The following ATP9B variants were observed in gnomAD, a reference collection of about 807,000 sequenced individuals.
The protein encoded by ATP9B is ATPase phospholipid transporting 9B, also known as probable phospholipid-transporting ATPase IIB.
In ATP9B, 110 loss-of-function variants were observed where a neutral mutation model predicts 146.1. The observed-to-expected ratio is 0.75, with a 90% CI of 0.65 to 0.88. ATP9B has a LOEUF of 0.88. ATP9B is among the 40% of genes least tolerant of loss of function. The probability of loss-of-function intolerance (pLI) is 0.00; values close to 1 mark genes in which losing one functional copy is unlikely to be tolerated. For synonymous variants in ATP9B, 604 were observed against 569.7 expected, an observed-to-expected ratio of 1.06 and a Z score of -0.86; for missense variants, 1,499 against 1,496.4, an observed-to-expected ratio of 1.00 and a Z score of -0.03.
chr18:79,103,214 G>A (rs2075406408), intron 2 of ATP9B, among the ~76,000 whole-genome samples: 1 of 151,698 alleles, frequency 6.6e-6, no homozygotes, highest in African/African-American at 2.4e-5. Flanking sequence ...AAGCAGATAT[G>A]GACTGTGGGT....
chr18:79,109,932 A>G (rs1006551705), intron 2 of ATP9B, among the ~76,000 whole-genome samples: 5 of 152,178 alleles, frequency 3.3e-5, no homozygotes, highest in Admixed American at 3.3e-4. Flanking sequence ...AGAGTGGAAA[A>G]AGTGATTATT....
At chr18:79,129,595 C>A (rs1568237521) in intron 5 of ATP9B, among the ~76,000 whole-genome samples, 4 of 152,020 alleles carry the variant, frequency 2.6e-5, no homozygotes, top group Admixed American at 1.3e-4. Flanking sequence ...TAGAGACCAT[C>A]CATGATAAAG....
chr18:79,255,918 TATTAGAGCTTCATG>T (rs2096072753), intron 12 of ATP9B, among the ~76,000 whole-genome samples: 1 of 152,202 alleles, frequency 6.6e-6, no homozygotes, highest in South Asian at 2.1e-4. Context: ...CATTCATTTT[TATTAGAGCTTCATG>T]ACACAGAACG....
chr18:79,327,142 C>T (rs1323149316), intron 15 of ATP9B, among the ~76,000 whole-genome samples: 1 of 152,258 alleles, frequency 6.6e-6, no homozygotes, highest in East Asian at 1.9e-4. Context: ...ATATCCTGTG[C>T]ACTAGACAAC....
chr18:79,256,129 C>G (rs2096074605), intron 12 of ATP9B, among the ~76,000 whole-genome samples: 1 of 151,132 alleles, frequency 6.6e-6, no homozygotes, highest in Non-Finnish European at 1.5e-5. Context: ...TTTTTAATAT[C>G]ATGTATGTGC....
At chr18:79,139,881 T>TCCAAAA (rs2094493292) in intron 5 of ATP9B, among the ~76,000 whole-genome samples, 1 of 152,188 alleles carries the variant, frequency 6.6e-6, no homozygotes, top group African/African-American at 2.4e-5. Context: ...ATGAGTTTAA[T>TCCAAAA]TTACTATGGG....
chr18:79,294,141 A>T (rs2096530616), intron 13 of ATP9B, among the ~76,000 whole-genome samples: 1 of 152,238 alleles, frequency 6.6e-6, no homozygotes, highest in South Asian at 2.1e-4. Context: ...GAGTCTGTGA[A>T]TGGAGTGATT....
chr18:79,372,606 C>T (rs1195419278), intron 26 of ATP9B: 2 of 663,044 alleles, frequency 3.0e-6, no homozygotes, highest in Admixed American at 2.1e-5. Flanking sequence ...AACGTCTAAC[C>T]TCAGGCACCA....
In ATP9B at chr18:79,329,155, G is replaced by A; in HGVS notation, c.1788G>A (p.Gln596=). Residue 596 remains glutamine, a synonymous_variant, in exon 16 of 30, where the codon CAG becomes CAA. Transcript: ENST00000426216. ...GTCTCCCGTAGGTCGCTCTGGTGCA[G>A]TGGACAGAGAGTGTGGGCCTCACGC... is the stretch of plus-strand genomic sequence containing the variant. ...ASSPDEVALV[Q]WTESVGLTLV... 4 of 1,601,382 alleles carry A rather than the reference G, an allele frequency of 2.5e-6. No individual in the cohort carries two copies. Among genetic ancestry groups the A allele is most frequent in the Non-Finnish European group, 3.4e-6 (4 of 1,174,900 alleles).
At chr18:79,288,335 C>T (rs1238469721) in intron 13 of ATP9B, among the ~76,000 whole-genome samples, 2 of 152,056 alleles carry the variant, frequency 1.3e-5, no homozygotes, top group Non-Finnish European at 2.9e-5. Context: ...GGATAGTTAG[C>T]TCTTCTTGTT....
At chr18:79,195,133 A>C (rs2095406641) in intron 9 of ATP9B, among the ~76,000 whole-genome samples, 1 of 152,208 alleles carries the variant, frequency 6.6e-6, no homozygotes, top group Non-Finnish European at 1.5e-5. Flanking sequence ...TTTTCATTGA[A>C]GACATAGAAC....
chr18:79,259,646 G>A (rs1196678814), intron 12 of ATP9B, among the ~76,000 whole-genome samples: 2 of 152,178 alleles, frequency 1.3e-5, no homozygotes, highest in African/African-American at 2.4e-5. Flanking sequence ...TTGCCTGTGC[G>A]CTTCCAGAGC....
chr18:79,348,269 A>T (rs570056), intron 25 of ATP9B, 73 bp downstream of exon 25: 11 of 1,127,974 alleles, frequency 9.8e-6, no homozygotes, highest in Non-Finnish European at 7.7e-6. Context: ...AAAAAAAAAA[A>T]CAAAAAACGT....
intron 8 of ATP9B, among the ~76,000 whole-genome samples, chr18:79,184,618 TATTG>T (rs1359709581): frequency 6.6e-6 from 1 of 152,198 alleles, no homozygotes; most frequent in Non-Finnish European, 1.5e-5. Context: ...TCTTGCAGCC[TATTG>T]ACTTTCTAAT....
chr18:79,338,637 A>G (rs2277713), intron 19 of ATP9B, among the ~76,000 whole-genome samples: 59,819 of 152,044 alleles, frequency 0.39, 11,942 homozygotes, highest in Middle Eastern at 0.54. Context: ...CTCCCTGCCC[A>G]CCGACCTGCT....
chr18:79,124,333 A>G (rs2094243895), intron 4 of ATP9B, among the ~76,000 whole-genome samples: 1 of 152,250 alleles, frequency 6.6e-6, no homozygotes, highest in Admixed American at 6.5e-5. Flanking sequence ...ATTTTATGGC[A>G]TGTGAATTAT....
At chr18:79,253,725 G>A (rs758737682) in intron 12 of ATP9B, 184 bp downstream of exon 12, 5 of 576,998 alleles carry the variant, frequency 8.7e-6, no homozygotes, top group Middle Eastern at 4.7e-4. Context: ...CATCAGTGCC[G>A]GTAGAATGAT....
At chr18:79,137,684 C>T (rs2094464082) in intron 5 of ATP9B, among the ~76,000 whole-genome samples, 1 of 152,202 alleles carries the variant, frequency 6.6e-6, no homozygotes, top group Non-Finnish European at 1.5e-5. Context: ...TCTGCCCTGG[C>T]CCTTCCTTCA....
chr18:79,367,451 T>C (rs1163721805), intron 26 of ATP9B, among the ~76,000 whole-genome samples: 29 of 118,704 alleles, frequency 2.4e-4, no homozygotes, highest in Middle Eastern at 0.011. Flanking sequence ...GCAGAGAAAG[T>C]GCCTCCTCAA....
Sources: allele counts gnomAD v4.1 joint callset (sites outside exome capture counted in the v4.1 genomes callset), GRCh38; gene constraint gnomAD v4.1.1; transcripts MANE v1.5; gene names NCBI Gene and HGNC (gene_info 2026-07-23, HGNC 2026-07-21).